CDC37L1: variants seen among roughly 807,000 people sequenced by gnomAD.
CDC37L1 encodes hsp90 co-chaperone Cdc37-like 1.
Under a neutral mutation model 45.9 loss-of-function variants are expected in CDC37L1, and 32 were observed. The ratio of observed to expected loss-of-function variants is 0.70; its 90% CI spans 0.53 to 0.94. CDC37L1 has a LOEUF of 0.94. Among genes scored for constraint, CDC37L1 ranks in the 40% least tolerant of loss-of-function variants. The pLI, the probability that CDC37L1 is intolerant of heterozygous loss-of-function variation, is 0.00. For missense variants in CDC37L1, 434 were observed against 405.7 expected (o/e 1.07, Z -0.60); for synonymous variants, 150 against 133.0 (o/e 1.13, Z -0.88).
chr9:4,693,263 G>A (rs1841317351), intron 3 of CDC37L1, among the ~76,000 whole-genome samples: 1 of 147,182 alleles, frequency 6.8e-6, no homozygotes, highest in African/African-American at 2.5e-5. Context: ...GCAACACAGT[G>A]AAACCTCATC....
chr9:4,686,278 C>T (rs1219800230), intron 2 of CDC37L1, among the ~76,000 whole-genome samples: 1 of 152,210 alleles, frequency 6.6e-6, no homozygotes. Flanking sequence ...GTAACACACA[C>T]AGATAAGTGT....
chr9:4,704,041 G>C (rs1392176457), intron 6 of CDC37L1, among the ~76,000 whole-genome samples: 1 of 152,152 alleles, frequency 6.6e-6, no homozygotes, highest in Non-Finnish European at 1.5e-5. Context: ...AAGGATTATC[G>C]ACTAGTTGAG....
intron 6 of CDC37L1, among the ~76,000 whole-genome samples, chr9:4,703,568 G>A (rs1042416798): frequency 2.5e-4 from 38 of 152,280 alleles, no homozygotes; most frequent in African/African-American, 8.7e-4. Flanking sequence ...GGGGAATTCT[G>A]TGACCAAGTC....
At chr9:4,682,581 T>G (rs913395156) in intron 1 of CDC37L1, among the ~76,000 whole-genome samples, 1 of 152,066 alleles carries the variant, frequency 6.6e-6, no homozygotes, top group Non-Finnish European at 1.5e-5. Context: ...CGCCTCGGCC[T>G]CCTGAAGTGC....
intron 6 of CDC37L1, 39 bp from the exon 7 acceptor site, chr9:4,705,972 T>C: frequency 1.0e-6 from 1 of 1,000,326 alleles, no homozygotes; most frequent in Non-Finnish European, 1.6e-6. Context: ...TATAATGCGT[T>C]CTTTTTCTCC....
intron 1 of CDC37L1, among the ~76,000 whole-genome samples, chr9:4,682,159 C>CTTTTTTTTTTT (rs1563766411): frequency 2.1e-5 from 1 of 48,464 alleles, no homozygotes. Flanking sequence ...ATTATCCTTT[C>CTTTTTTTTTTT]TCTTTTTTTT....
At chr9:4,679,986 C>T (rs1016674882) in intron 1 of CDC37L1, 87 bp downstream of exon 1, 41 of 1,513,456 alleles carry the variant, frequency 2.7e-5, no homozygotes, top group Non-Finnish European at 3.7e-5. Flanking sequence ...CCCTCTTCTA[C>T]GCCTTTTTCT....
chr9:4,683,363 A>G (rs1841216250), intron 1 of CDC37L1, among the ~76,000 whole-genome samples: 1 of 152,054 alleles, frequency 6.6e-6, no homozygotes, highest in African/African-American at 2.4e-5. Flanking sequence ...ATGATATTGT[A>G]TGACAAACAC....
Position 4,708,316 on chromosome 9 carries a change from CAT to C in CDC37L1, c.*2205_*2206del, listed in dbSNP as rs1491380669. ...GGAAAGTGCAAACACATGAATGAAA[CAT>C]TTTTTTACATCAAAGTATCATCAAA... On this transcript the variant is annotated 3_prime_UTR_variant, in exon 7 of 7. Coordinates refer to ENST00000381854, the MANE Select transcript of CDC37L1 (RefSeq NM_017913.4). 1 of 152,124 alleles carries C rather than the reference CAT, an allele frequency of 6.6e-6. No individual in the cohort carries two copies. The highest frequency in any genetic ancestry group is 2.4e-5 in the African/African-American group (1 of 41,440). 9.4% of individuals were successfully genotyped at this position (152,124 alleles called of 1,614,324 possible).
At chr9:4,697,990 C>T in intron 5 of CDC37L1, 111 bp downstream of exon 5, 1 of 983,844 alleles carries the variant, frequency 1.0e-6, no homozygotes, top group Non-Finnish European at 1.5e-6. Context: ...AGGCTAAATT[C>T]TGTAGATTTT....
At chr9:4,697,622 A>G (rs1841360411) in intron 4 of CDC37L1, 135 bp from the exon 5 acceptor site, 2 of 559,082 alleles carry the variant, frequency 3.6e-6, no homozygotes, top group African/African-American at 3.8e-5. Flanking sequence ...TATACTCTTT[A>G]TATGTTTGTA....
In CDC37L1 at chr9:4,708,150, C is replaced by T. The variant is rs1365331598; in HGVS notation, c.*2038C>T. ...GCTATAAATTACATAGTTAGCCGTA[C>T]TTTAGTACTAGAAACAGTAAATTGA... On this transcript the variant is annotated 3_prime_UTR_variant, in exon 7 of 7. Transcript: ENST00000381854. 2 of 152,224 alleles carry T rather than the reference C, an allele frequency of 1.3e-5. No homozygotes were observed. The highest frequency in any genetic ancestry group is 4.8e-5 in the African/African-American group (2 of 41,470). 9.4% of individuals were successfully genotyped at this position (152,224 alleles called of 1,614,324 possible). A position where few individuals can be genotyped will look rare whatever the true frequency, so the allele number is the denominator to read the frequency against.
At chr9:4,681,747 A>G (rs1009896459) in intron 1 of CDC37L1, among the ~76,000 whole-genome samples, 3 of 152,232 alleles carry the variant, frequency 2.0e-5, no homozygotes, top group African/African-American at 7.2e-5. Context: ...TTGGATTGGA[A>G]TATTTGGAAA....
At chr9:4,698,804 C>T (rs1189685030) in intron 5 of CDC37L1, among the ~76,000 whole-genome samples, 3 of 152,094 alleles carry the variant, frequency 2.0e-5, no homozygotes, top group Non-Finnish European at 4.4e-5. Context: ...TTTCATTCCT[C>T]AGTAGTGTAC....
chr9:4,697,352 C>T lies in CDC37L1; in HGVS notation c.624+141C>T. ...CATTAGATGGAATTACCATTTTTTG[C>T]TTCCAGATCTACTTGAGTTTAATGT... is the stretch of plus-strand genomic sequence containing the variant. On this transcript the variant is annotated intron_variant, in intron 4 of 6. Transcript: ENST00000381854. 5 of 610,694 alleles carry T rather than the reference C, an allele frequency of 8.2e-6. No individual in the cohort carries two copies. In the East Asian group the frequency reaches 1.5e-4, roughly 18 times the overall value. 37.8% of individuals were successfully genotyped at this position (610,694 alleles called of 1,614,324 possible).
intron 2 of CDC37L1, 186 bp downstream of exon 2, chr9:4,685,344 G>T (rs148547756): frequency 3.8e-6 from 2 of 521,850 alleles, no homozygotes; most frequent in Non-Finnish European, 6.9e-6. Flanking sequence ...TAGAGCTGCA[G>T]ACTCCAGGCA....
intron 3 of CDC37L1, among the ~76,000 whole-genome samples, chr9:4,695,629 G>A (rs1460482368): frequency 6.6e-6 from 1 of 151,990 alleles, no homozygotes; most frequent in East Asian, 1.9e-4. Context: ...CAAGTAGCTG[G>A]GACTACAGGT....
intron 3 of CDC37L1, among the ~76,000 whole-genome samples, chr9:4,690,992 T>C (rs895718556): frequency 1.3e-5 from 2 of 152,226 alleles, no homozygotes; most frequent in African/African-American, 2.4e-5. Context: ...GATGAGATAA[T>C]AATCCCTGTG....
chr9:4,704,258 A>G (rs751093239), intron 6 of CDC37L1, among the ~76,000 whole-genome samples: 1 of 152,230 alleles, frequency 6.6e-6, no homozygotes, highest in African/African-American at 2.4e-5. Flanking sequence ...CATAGAACTT[A>G]AGAAATTTGC....
Sources: gnomAD v4.1 joint callset for allele counts (sites outside exome capture counted in the v4.1 genomes callset) on GRCh38, gnomAD v4.1.1 for gene constraint, MANE v1.5 for transcripts, NCBI Gene and HGNC (gene_info 2026-07-23, HGNC 2026-07-21) for gene names.